SNRPA1: variants seen among roughly 807,000 people sequenced by gnomAD.
SNRPA1 encodes the protein U2 small nuclear ribonucleoprotein A'.
SNRPA1 carries 5 observed loss-of-function variants against 32.3 expected under a neutral mutation model. The observed-to-expected ratio is 0.15, with a 90% CI of 0.08 to 0.33. SNRPA1 has a LOEUF of 0.33. SNRPA1 is among the 10% of genes least tolerant of loss of function. SNRPA1 has a pLI of 1.00. For synonymous variants in SNRPA1, 111 were observed against 120.1 expected, an observed-to-expected ratio of 0.92 and a Z score of 0.50; for missense variants, 198 against 311.1, an observed-to-expected ratio of 0.64 and a Z score of 2.74.
rs138631764 is a variant in SNRPA1 at position 101,291,409 on chromosome 15, A to G, written c.309+553T>C. ...TCAGATATGTAATCTAAAATTTTCT[A>G]GTAGCCATGTTAAAATAGGTGAAAC... On this transcript the variant is annotated intron_variant, in intron 3 of 8. Transcript: ENST00000254193. Among the ~76,000 whole-genome samples the G allele has an allele frequency of 9.5e-3, 1,442 of 152,356 alleles. 10 individuals are homozygous for G. The highest frequency in any genetic ancestry group is 0.016 in the Non-Finnish European group (1,074 of 68,034).
At chr15:101,287,242 T>A (rs1478057339) in intron 4 of SNRPA1, among the ~76,000 whole-genome samples, 1 of 152,242 alleles carries the variant, frequency 6.6e-6, no homozygotes, top group African/African-American at 2.4e-5. Flanking sequence ...CTTGCAGGTT[T>A]GTTACATATG....
intron 3 of SNRPA1, 56 bp from the exon 4 acceptor site, chr15:101,287,758 C>A: frequency 6.6e-7 from 1 of 1,514,062 alleles, no homozygotes; most frequent in South Asian, 1.1e-5. Context: ...TTTTGAGATT[C>A]TGAAATGGAG....
intron 3 of SNRPA1, among the ~76,000 whole-genome samples, chr15:101,288,760 G>A (rs28458332): frequency 0.028 from 4,268 of 152,274 alleles, 192 homozygotes; most frequent in African/African-American, 0.098. Flanking sequence ...GAAGCAGAGG[G>A]GAGGCGAGGA....
intron 2 of SNRPA1, 75 bp downstream of exon 2, chr15:101,292,950 G>C: frequency 1.1e-6 from 1 of 947,928 alleles, no homozygotes; most frequent in East Asian, 2.8e-5. Context: ...CCAGTAGCAC[G>C]TGCTACAACT....
chr15:101,292,933 G>C (rs973726738), intron 2 of SNRPA1, 92 bp downstream of exon 2: 4 of 732,342 alleles, frequency 5.5e-6, no homozygotes, highest in Non-Finnish European at 8.3e-6. Context: ...GAAACATGTA[G>C]GTTTAACCAG....
Position 101,285,007 on chromosome 15 carries a change from C to T in SNRPA1, c.669G>A (p.Leu223=). The T allele has an allele frequency of 1.2e-6, 2 of 1,614,068 alleles. No homozygotes were observed. The highest frequency in any genetic ancestry group is 1.7e-6 in the Non-Finnish European group (2 of 1,179,934). ...TGCCAGGGATCTGACCAGACTGCAGCAACCCCTTCAGCCTCTCCACTTCAG... is the reference window on the plus strand; with the variant it reads ...TGCCAGGGATCTGACCAGACTGCAGTAACCCCTTCAGCCTCTCCACTTCAG... ...TLAEVERLKG[L]LQSGQIPGRE... The change falls in exon 8 of 9, where the codon TTG becomes TTA. Residue 223 remains leucine, a synonymous_variant. Transcript: ENST00000254193.
At position 101,284,858 on chromosome 15, in the gene SNRPA1, T is replaced by C. The variant is rs1361844509; in HGVS notation, c.709+109A>G. 4 of 799,500 alleles carry C rather than the reference T, an allele frequency of 5.0e-6. No individual in the cohort carries two copies. The Admixed American group carries it at 5.2e-5, about 10-fold the overall frequency. 49.5% of individuals were successfully genotyped at this position (799,500 alleles called of 1,614,324 possible). A position where few individuals can be genotyped will look rare whatever the true frequency, so the allele number is the denominator to read the frequency against. On this transcript the variant is annotated intron_variant, in intron 8 of 8. Transcript: ENST00000254193. Reference sequence around the variant, plus strand: ...AAGAGATTTCATATATTAGATTTGATGTAAGGAGGCACTACTCTGGCATTC... The same window carrying C: ...AAGAGATTTCATATATTAGATTTGACGTAAGGAGGCACTACTCTGGCATTC...
At position 101,295,115 on chromosome 15, in the gene SNRPA1, G is replaced by T; in HGVS notation, c.64C>A (p.Arg22=). 6.5e-7 allele frequency: 1 copy of T among 1,538,462 alleles called. No homozygotes were observed. Among genetic ancestry groups the T allele is most frequent in the African/African-American group, 1.4e-5 (1 of 70,030 alleles). ...GACTCACCCCGGAGGTCCAGCTCCC[G>T]GTCGCGCACCGCGTTGGTGTACTGC... is the stretch of plus-strand genomic sequence containing the variant. ...AAQYTNAVRD[R]ELDLRGYKIP... Residue 22 remains arginine, a synonymous_variant, in exon 1 of 9, where the codon CGG becomes AGG. Coordinates refer to ENST00000254193, the MANE Select transcript of SNRPA1 (RefSeq NM_003090.4).
chr15:101,285,683 C>T, intron 7 of SNRPA1, 43 bp downstream of exon 7: 1 of 1,305,590 alleles, frequency 7.7e-7, no homozygotes, highest in South Asian at 1.2e-5. Context: ...GTTCTGAACC[C>T]ATCTTAGCTC....
intron 5 of SNRPA1, 79 bp from the exon 6 acceptor site, chr15:101,286,372 A>C (rs2039454699): frequency 2.3e-6 from 3 of 1,310,508 alleles, no homozygotes; most frequent in Non-Finnish European, 2.2e-6. Flanking sequence ...AAGACATGGA[A>C]GCGAACTCTC....
chr15:101,290,135 G>A (rs984724118), intron 3 of SNRPA1, among the ~76,000 whole-genome samples: 6 of 151,980 alleles, frequency 3.9e-5, no homozygotes, highest in Non-Finnish European at 5.9e-5. Context: ...AAAAGTTTCC[G>A]TTCACCAGAA....
intron 8 of SNRPA1, 199 bp downstream of exon 8, chr15:101,284,768 C>T (rs2039436322): frequency 2.3e-6 from 1 of 441,214 alleles, no homozygotes; most frequent in Non-Finnish European, 4.3e-6. Context: ...TCCCAAAGTG[C>T]TGGGATTACA....
intron 3 of SNRPA1, among the ~76,000 whole-genome samples, chr15:101,290,167 T>G (rs959035575): frequency 1.6e-4 from 25 of 152,112 alleles, no homozygotes; most frequent in African/African-American, 5.8e-4. Flanking sequence ...ATTTAAAATT[T>G]GTATGTATCA....
At chr15:101,282,006 G>T (rs1221367279) in intron 8 of SNRPA1, among the ~76,000 whole-genome samples, 1 of 152,240 alleles carries the variant, frequency 6.6e-6, no homozygotes, top group Non-Finnish European at 1.5e-5. Flanking sequence ...GGGTCACAAA[G>T]ATTTCAAAAT....
chr15:101,293,044 C>G lies in SNRPA1; in HGVS notation c.211G>C (p.Val71Leu). The G allele has an allele frequency of 6.2e-7, 1 of 1,610,770 alleles. No individual in the cohort carries two copies. Among genetic ancestry groups the G allele is most frequent in the Non-Finnish European group, 8.5e-7 (1 of 1,178,868 alleles). Reference protein sequence around the residue: ...PLLRRLKTLLVNNNRICRIGE... With the variant: ...PLLRRLKTLLLNNNRICRIGE... Reference sequence around the variant, plus strand: ...ACGTACCATATTCTGTTGTTGTTCACTAACAATGTTTTCAGTCTTCTCAAC... The same window carrying G: ...ACGTACCATATTCTGTTGTTGTTCAGTAACAATGTTTTCAGTCTTCTCAAC... Residue 71 changes from valine to leucine, a missense_variant, in exon 2 of 9, where the codon GTG becomes CTG. Coordinates refer to ENST00000254193, the MANE Select transcript of SNRPA1 (RefSeq NM_003090.4).
intron 1 of SNRPA1, chr15:101,294,874 T>A (rs1288589887): frequency 2.3e-6 from 1 of 428,390 alleles, no homozygotes; most frequent in Non-Finnish European, 4.2e-6. Context: ...CACCCGTGCC[T>A]GTCAAGAGGC....
At chr15:101,291,890 A>C in intron 3 of SNRPA1, 72 bp downstream of exon 3, 2 of 946,892 alleles carry the variant, frequency 2.1e-6, no homozygotes, top group Admixed American at 4.4e-5. Flanking sequence ...TAGATTTTGT[A>C]AATTTTCTGT....
chr15:101,290,739 C>CT (rs2039514927), intron 3 of SNRPA1, among the ~76,000 whole-genome samples: 9 of 140,854 alleles, frequency 6.4e-5, no homozygotes, highest in African/African-American at 2.5e-4. Flanking sequence ...CCACTTTTGG[C>CT]ATTTTTTTTT....
intron 3 of SNRPA1, among the ~76,000 whole-genome samples, chr15:101,291,661 A>G (rs2039527892): frequency 6.6e-6 from 1 of 152,180 alleles, no homozygotes; most frequent in South Asian, 2.1e-4. Flanking sequence ...GGAGTTTATA[A>G]CCCTGGAATA....
Sources: gnomAD v4.1 joint callset for allele counts (sites outside exome capture counted in the v4.1 genomes callset) on GRCh38, gnomAD v4.1.1 for gene constraint, MANE v1.5 for transcripts, NCBI Gene and HGNC (gene_info 2026-07-23, HGNC 2026-07-21) for gene names.